EYS: variants seen among roughly 807,000 people sequenced by gnomAD.
EYS encodes protein eyes shut homolog.
In EYS, 250 loss-of-function variants were observed where a neutral mutation model predicts 282.1. That is an observed-to-expected ratio of 0.89 (90% CI 0.80 to 0.98). The LOEUF (loss-of-function observed/expected upper bound fraction) is 0.98. Among genes scored for constraint, EYS ranks in the 50% least tolerant of loss-of-function variants. The pLI is 0.00. For missense variants in EYS, 4,016 were observed against 3,709.0 expected, an observed-to-expected ratio of 1.08 and a Z score of -2.15; for synonymous variants, 1,355 against 1,282.9, an observed-to-expected ratio of 1.06 and a Z score of -1.20.
chr6:64,065,704 T>G (rs1449223511), intron 33 of EYS, among the ~76,000 whole-genome samples: 2 of 152,200 alleles, frequency 1.3e-5, no homozygotes, highest in Non-Finnish European at 1.5e-5. Context: ...AACTGGATGT[T>G]AGTTTTAACT....
intron 33 of EYS, among the ~76,000 whole-genome samples, chr6:64,032,399 T>C (rs764732540): frequency 6.6e-6 from 1 of 152,336 alleles, no homozygotes; most frequent in Middle Eastern, 3.4e-3. Flanking sequence ...TTTGTGTGCT[T>C]ATTGGCCATT....
chr6:65,469,520 C>T (rs1049052120), intron 5 of EYS, among the ~76,000 whole-genome samples: 37 of 151,962 alleles, frequency 2.4e-4, no homozygotes, highest in African/African-American at 8.9e-4. Context: ...AGGATCAAAA[C>T]TCAATGTATG....
intron 26 of EYS, among the ~76,000 whole-genome samples, chr6:64,548,819 A>G (rs1379625265): frequency 2.7e-5 from 4 of 149,886 alleles, no homozygotes; most frequent in Non-Finnish European, 4.5e-5. Context: ...CCTAAAACTT[A>G]AAGTATAATA....
chr6:63,855,132 G>A (rs1772358042), intron 36 of EYS, among the ~76,000 whole-genome samples: 1 of 152,208 alleles, frequency 6.6e-6, no homozygotes, highest in Admixed American at 6.5e-5. Context: ...ACCGCACATG[G>A]TGAATTCCTG....
chr6:65,524,161 C>T (rs546591933), intron 2 of EYS, among the ~76,000 whole-genome samples: 5 of 152,266 alleles, frequency 3.3e-5, no homozygotes, highest in South Asian at 4.1e-4. Flanking sequence ...CTTGAGCCAC[C>T]GCATCTGGCC....
At chr6:64,548,894 C>A (rs942081464) in intron 26 of EYS, among the ~76,000 whole-genome samples, 2 of 151,938 alleles carry the variant, frequency 1.3e-5, no homozygotes, top group African/African-American at 4.8e-5. Flanking sequence ...TCCTTCCTCC[C>A]AACTGTTGCC....
intron 7 of EYS, among the ~76,000 whole-genome samples, chr6:65,398,497 C>G (rs1193032919): frequency 6.6e-6 from 1 of 151,634 alleles, no homozygotes; most frequent in East Asian, 1.9e-4. Flanking sequence ...AAACTTAAGA[C>G]CTGTCATTTT....
At chr6:64,102,978 T>G (rs1772882824) in intron 31 of EYS, among the ~76,000 whole-genome samples, 1 of 152,132 alleles carries the variant, frequency 6.6e-6, no homozygotes, top group African/African-American at 2.4e-5. Context: ...AGCATTCACA[T>G]GTAATTAAAA....
rs542547243 is a variant in EYS at position 65,031,475 on chromosome 6, T to G, written c.2137+26139A>C. 2.1e-4 allele frequency among the ~76,000 whole-genome samples: 32 copies of G among 152,166 alleles called. No homozygotes were observed. In the South Asian group the frequency reaches 6.6e-3, roughly 32 times the overall value. On this transcript the variant is annotated intron_variant, in intron 13 of 42. Coordinates refer to ENST00000503581, the MANE Select transcript of EYS (RefSeq NM_001142800.2). ...ACCAACTCTAAAATTGACCATGTGA[T>G]AAGACATAAAATAATTGTTAGTAAA...
chr6:64,057,184 A>C (rs1332763849), intron 33 of EYS, among the ~76,000 whole-genome samples: 1 of 152,224 alleles, frequency 6.6e-6, no homozygotes, highest in Non-Finnish European at 1.5e-5. Flanking sequence ...TTTTAAAGAA[A>C]ATTGGTAAAT....
chr6:64,357,045 C>T (rs1367325949), intron 29 of EYS, among the ~76,000 whole-genome samples: 1 of 151,628 alleles, frequency 6.6e-6, no homozygotes, highest in African/African-American at 2.4e-5. Flanking sequence ...TAGTCAACAT[C>T]TATTTCTGCA....
At chr6:64,319,425 C>T (rs140856222) in intron 29 of EYS, among the ~76,000 whole-genome samples, 1 of 151,894 alleles carries the variant, frequency 6.6e-6, no homozygotes, top group Admixed American at 6.6e-5. Context: ...ATCTGAGGAA[C>T]CTACGTTTTC....
chr6:65,129,416 T>C, intron 12 of EYS, among the ~76,000 whole-genome samples: 1 of 151,678 alleles, frequency 6.6e-6, no homozygotes, highest in Non-Finnish European at 1.5e-5. Context: ...TTGCAAACTA[T>C]GCATTTAATG....
At chr6:64,686,793 G>GTGTA (rs1554193089) in intron 22 of EYS, among the ~76,000 whole-genome samples, 3 of 23,116 alleles carry the variant, frequency 1.3e-4, no homozygotes, top group African/African-American at 1.9e-4. Context: ...ATATATGTGT[G>GTGTA]TATATATATA....
At chr6:63,878,474 T>C (rs923844422) in intron 35 of EYS, among the ~76,000 whole-genome samples, 21 of 152,328 alleles carry the variant, frequency 1.4e-4, no homozygotes, top group African/African-American at 4.6e-4. Flanking sequence ...TCAAACTCCA[T>C]GCTCGGAGAA....
At chr6:64,144,394 C>T (rs1774442293) in intron 31 of EYS, among the ~76,000 whole-genome samples, 3 of 152,134 alleles carry the variant, frequency 2.0e-5, no homozygotes, top group African/African-American at 7.2e-5. Flanking sequence ...GAAAACTCTT[C>T]CAAAAGGAAA....
Position 65,621,428 on chromosome 6 carries a change from A to C in EYS, c.-333+18350T>G, listed in dbSNP as rs980797315. On this transcript the variant is annotated intron_variant, in intron 2 of 42. Coordinates refer to ENST00000503581, the MANE Select transcript of EYS (RefSeq NM_001142800.2). ...TTGGTAGATCTTCCTCCATCCTTTT[A>C]TTTTGAGCCTATGTGTGTCTCTGCA... Among the ~76,000 whole-genome samples, 79 of 150,010 alleles carry C rather than the reference A, an allele frequency of 5.3e-4. 1 individual carries two copies. The highest frequency in any genetic ancestry group is 4.0e-4 in the Admixed American group (6 of 15,018).
chr6:64,052,211 T>C (rs888966288), intron 33 of EYS, among the ~76,000 whole-genome samples: 4 of 152,158 alleles, frequency 2.6e-5, no homozygotes, highest in African/African-American at 9.7e-5. Context: ...AGTCATCAAA[T>C]GTAATAAAAA....
intron 30 of EYS, among the ~76,000 whole-genome samples, chr6:64,279,588 C>T (rs1425382053): frequency 1.3e-5 from 2 of 152,142 alleles, no homozygotes; most frequent in African/African-American, 4.8e-5. Flanking sequence ...AAGTATCTGA[C>T]TTCCAGATAT....
Sources: gnomAD v4.1 joint callset for allele counts (sites outside exome capture counted in the v4.1 genomes callset) on GRCh38, gnomAD v4.1.1 for gene constraint, MANE v1.5 for transcripts, NCBI Gene and HGNC (gene_info 2026-07-23, HGNC 2026-07-21) for gene names.